Variants in PARP2 observed in about 807,000 individuals in gnomAD.
PARP2 encodes poly(ADP-ribose) polymerase 2.
A neutral mutation model predicts 77.8 loss-of-function variants in PARP2; 57 were observed. The observed-to-expected ratio is 0.73, with a 90% CI of 0.59 to 0.91. PARP2 has a LOEUF of 0.91. PARP2 is among the 40% of genes least tolerant of loss of function. PARP2 has a pLI of 0.00. For synonymous variants in PARP2, 226 were observed against 242.6 expected (o/e 0.93, Z 0.64); for missense variants, 651 against 689.0 (o/e 0.94, Z 0.62).
At chr14:20,350,711 T>A in intron 5 of PARP2, 89 bp downstream of exon 5, 1 of 837,664 alleles carries the variant, frequency 1.2e-6, no homozygotes, top group South Asian at 1.4e-5. Context: ...TGGGTTTAAA[T>A]TGGGTCAGTA....
intron 4 of PARP2, among the ~76,000 whole-genome samples, chr14:20,347,350 GTGTGTGTATATATATATATATATATATA>G (rs1256741512): frequency 2.0e-5 from 1 of 48,986 alleles, no homozygotes; most frequent in African/African-American, 1.4e-4. Context: ...CTTCATATGT[GTGTGTGTATATATATATATATATATATA>G]TATATATATA....
intron 4 of PARP2, among the ~76,000 whole-genome samples, chr14:20,349,488 T>A (rs575563114): frequency 6.7e-6 from 1 of 150,166 alleles, no homozygotes; most frequent in Admixed American, 6.6e-5. Flanking sequence ...TGCCAACATG[T>A]TGAAACTCCA....
intron 4 of PARP2, 57 bp from the exon 5 acceptor site, chr14:20,350,469 T>TA (rs1408845188): frequency 1.6e-5 from 14 of 873,574 alleles, no homozygotes; most frequent in Non-Finnish European, 1.9e-5. Context: ...GTCATTGGTT[T>TA]ATGTGATTTC....
Position 20,356,264 on chromosome 14 carries a change from T to C in PARP2, c.1102-43T>C, listed in dbSNP as rs201948993. ...CCAAATTCTTCAGTTCAGCTCAGTC[T>C]CTTGTAGAGTCTACATCAGCCTTTT... On this transcript the variant is annotated intron_variant, in intron 11 of 15. Transcript: ENST00000429687. 492 of 1,609,352 alleles carry C rather than the reference T, an allele frequency of 3.1e-4. 1 individual carries two copies. In the African/African-American group the frequency reaches 6.0e-3, roughly 20 times the overall value.
chr14:20,344,460 A>C (rs1221641154), intron 1 of PARP2: 1 of 154,740 alleles, frequency 6.5e-6, no homozygotes, highest in Non-Finnish European at 1.4e-5. Flanking sequence ...TTTAGGAAGA[A>C]TTACACAGAC....
At chr14:20,355,872 T>C (rs1166852057) in intron 10 of PARP2, 25 bp from the exon 11 acceptor site, 8 of 1,613,818 alleles carry the variant, frequency 5.0e-6, no homozygotes, top group Middle Eastern at 1.6e-4. Context: ...TCCTCCCACA[T>C]TGATTCTATA....
intron 3 of PARP2, chr14:20,346,566 T>C: frequency 4.0e-6 from 1 of 248,124 alleles, no homozygotes; most frequent in Non-Finnish European, 7.9e-6. Flanking sequence ...ATGCCTGACC[T>C]CAAGTGATCT....
chr14:20,356,090 C>G, intron 11 of PARP2, 59 bp downstream of exon 11: 1 of 1,572,380 alleles, frequency 6.4e-7, no homozygotes, highest in Non-Finnish European at 8.7e-7. Context: ...TCCCCCATCC[C>G]ACTGTTCTCT....
At chr14:20,352,157 T>C in intron 6 of PARP2, 88 bp from the exon 7 acceptor site, 1 of 729,018 alleles carries the variant, frequency 1.4e-6, no homozygotes, top group Non-Finnish European at 2.4e-6. Context: ...TGCTGGAAAA[T>C]AAATTCTTTG....
At chr14:20,354,757 G>C in intron 8 of PARP2, 52 bp from the exon 9 acceptor site, 1 of 1,538,942 alleles carries the variant, frequency 6.5e-7, no homozygotes, top group Non-Finnish European at 8.8e-7. Flanking sequence ...GTTAAGTACA[G>C]TTCACTAGAT....
rs781553136 is a variant in PARP2 at position 20,345,104 on chromosome 14, A to G, written c.202+17A>G. On this transcript the variant is annotated intron_variant, in intron 2 of 15. Transcript: ENST00000429687. ...AGCAAGATGGTATGCCAGGAAGGTC[A>G]TGGGCCAGCAAAAGGGTCTCTGGTA... 11 of 1,613,738 alleles carry G rather than the reference A, an allele frequency of 6.8e-6. No individual in the cohort carries two copies. In the African/African-American group the frequency reaches 1.2e-4, roughly 18 times the overall value.
At position 20,354,942 on chromosome 14, in the gene PARP2, CTT is replaced by C. The variant is rs1418094719; in HGVS notation, c.899_900del (p.Phe300TrpfsTer28). The C allele has an allele frequency of 6.8e-6, 11 of 1,613,074 alleles. No individual in the cohort carries two copies. Among genetic ancestry groups the C allele is most frequent in the Admixed American group, 3.3e-5 (2 of 59,862 alleles). ...AATTCTACACCAGGATTCCGCATGACTTTGGGTAAGGCCTGTGCTGTTACTTC... is the reference window on the plus strand; with the variant it reads ...AATTCTACACCAGGATTCCGCATGACTGGGTAAGGCCTGTGCTGTTACTTC... ...NEFYTRIPHD[F>X]GLRTPPLIRT... On this transcript the variant is annotated frameshift_variant, in exon 9 of 16. Coordinates refer to ENST00000429687, the MANE Select transcript of PARP2 (RefSeq NM_001042618.2). LOFTEE classifies it high-confidence loss of function.
chr14:20,349,843 G>A (rs907124983), intron 4 of PARP2, among the ~76,000 whole-genome samples: 2 of 152,006 alleles, frequency 1.3e-5, no homozygotes, highest in Non-Finnish European at 2.9e-5. Context: ...TCCAGGGCTC[G>A]GCCATACAAC....
chr14:20,356,093 TG>T, intron 11 of PARP2, 62 bp downstream of exon 11: 3 of 1,569,584 alleles, frequency 1.9e-6, no homozygotes, highest in Non-Finnish European at 2.6e-6. Flanking sequence ...CCCATCCCAC[TG>T]TTCTCTAACT....
At chr14:20,348,497 A>G (rs576209840) in intron 4 of PARP2, among the ~76,000 whole-genome samples, 1 of 151,858 alleles carries the variant, frequency 6.6e-6, no homozygotes, top group Non-Finnish European at 1.5e-5. Flanking sequence ...CCTCCCAAGT[A>G]GCTGGGACTA....
At chr14:20,354,033 T>C in intron 7 of PARP2, 52 bp from the exon 8 acceptor site, 1 of 1,413,356 alleles carries the variant, frequency 7.1e-7, no homozygotes. Flanking sequence ...TTATAAGGAA[T>C]CTAGAGATGA....
intron 4 of PARP2, among the ~76,000 whole-genome samples, chr14:20,347,121 C>G (rs1456050472): frequency 2.0e-5 from 3 of 149,060 alleles, no homozygotes; most frequent in Admixed American, 6.7e-5. Flanking sequence ...CTCTGCCTCC[C>G]AGGTTCAAGC....
chr14:20,351,368 G>A (rs1188015510), intron 6 of PARP2, among the ~76,000 whole-genome samples: 3 of 151,906 alleles, frequency 2.0e-5, no homozygotes, highest in Admixed American at 6.6e-5. Context: ...TAATAGAGAT[G>A]GGGTTTCGCC....
At chr14:20,352,558 C>CTT (rs374239476) in intron 7 of PARP2, 19 of 215,508 alleles carry the variant, frequency 8.8e-5, no homozygotes, top group East Asian at 2.3e-4. Context: ...GATTTTTTTT[C>CTT]TTTTTTTTTT....
Sources: allele counts gnomAD v4.1 joint callset (sites outside exome capture counted in the v4.1 genomes callset), GRCh38; gene constraint gnomAD v4.1.1; transcripts MANE v1.5; gene names NCBI Gene and HGNC (gene_info 2026-07-23, HGNC 2026-07-21).